The following TACC2 variants were observed in gnomAD, a reference collection of about 807,000 sequenced individuals.
The protein encoded by TACC2 is transforming acidic coiled-coil-containing protein 2.
TACC2 carries 137 observed loss-of-function variants against 227.3 expected under a neutral mutation model. The observed-to-expected ratio is 0.60, with a 90% CI of 0.52 to 0.69. The LOEUF (loss-of-function observed/expected upper bound fraction) is 0.69. TACC2 is among the 30% of genes least tolerant of loss of function. TACC2 has a pLI of 0.00. For synonymous variants in TACC2, 1,523 were observed against 1,487.5 expected (o/e 1.02, Z -0.55); for missense variants, 3,470 against 3,694.4 (o/e 0.94, Z 1.57).
At chr10:122,043,165 A>T (rs1398164096) in intron 2 of TACC2, among the ~76,000 whole-genome samples, 1 of 152,144 alleles carries the variant, frequency 6.6e-6, no homozygotes, top group South Asian at 2.1e-4. Flanking sequence ...TTTAAATCAT[A>T]TTGTTTCTAA....
At chr10:122,094,980 A>G (rs969705133) in intron 5 of TACC2, among the ~76,000 whole-genome samples, 1 of 152,184 alleles carries the variant, frequency 6.6e-6, no homozygotes, top group East Asian at 1.9e-4. Context: ...TTTACACTCT[A>G]GCTGGTGAGA....
intron 6 of TACC2, among the ~76,000 whole-genome samples, chr10:122,135,991 G>A (rs1404171594): frequency 2.6e-5 from 4 of 152,214 alleles, no homozygotes; most frequent in Non-Finnish European, 4.4e-5. Flanking sequence ...CTTTAGAGAA[G>A]CTTCCTCCCG....
At chr10:122,028,793 C>T (rs1958451956) in intron 2 of TACC2, among the ~76,000 whole-genome samples, 1 of 72,092 alleles carries the variant, frequency 1.4e-5, no homozygotes, top group Non-Finnish European at 2.8e-5. Context: ...CTCCCCTCCC[C>T]TCCCCTCCTC....
rs1461405640 is a variant in TACC2, at chr10:122,171,415, A to G, written c.5835-23625A>G. 2.0e-5 allele frequency among the ~76,000 whole-genome samples: 3 copies of G among 152,318 alleles called. No homozygotes were observed. In the East Asian group the frequency reaches 5.8e-4, roughly 29 times the overall value. On this transcript the variant is annotated intron_variant, in intron 7 of 22. Transcript: ENST00000369005. The stretch of plus-strand genomic sequence containing the variant: ...CGGAGCCCTACTGACAGGCAGTCAC[A>G]GTGGCTCTGTGTCCTTATGGGGCCG...
At chr10:122,095,901 T>C (rs1349722042) in intron 5 of TACC2, among the ~76,000 whole-genome samples, 5 of 152,216 alleles carry the variant, frequency 3.3e-5, no homozygotes, top group African/African-American at 1.2e-4. Context: ...AATTGAAATT[T>C]ATAGTGAAAT....
intron 3 of TACC2, among the ~76,000 whole-genome samples, chr10:122,069,280 C>T (rs371087422): frequency 1.1e-4 from 17 of 151,898 alleles, no homozygotes; most frequent in East Asian, 5.8e-4. Flanking sequence ...CTCGCTCTGT[C>T]GCCCAGCCTG....
At chr10:122,107,613 TAA>T (rs1212936626) in intron 5 of TACC2, among the ~76,000 whole-genome samples, 13 of 151,646 alleles carry the variant, frequency 8.6e-5, no homozygotes, top group South Asian at 2.1e-4. Context: ...ATAATAATAA[TAA>T]TTTTTTAAAA....
intron 7 of TACC2, among the ~76,000 whole-genome samples, chr10:122,159,104 G>C (rs1004562619): frequency 2.0e-5 from 3 of 152,154 alleles, no homozygotes; most frequent in African/African-American, 7.2e-5. Flanking sequence ...CAGGGAGCTG[G>C]GGGAGCTGGG....
rs527401862 is a variant in TACC2 at position 122,182,232 on chromosome 10, C to A, written c.5835-12808C>A. The stretch of plus-strand genomic sequence containing the variant: ...GTTGAGCAGCTACTCTGGGCAGGAC[C>A]CTGAGAACTATCAATTTTTGGATGC... On this transcript the variant is annotated intron_variant, in intron 7 of 22. Coordinates refer to ENST00000369005, the MANE Select transcript of TACC2 (RefSeq NM_206862.4). Among the ~76,000 whole-genome samples, 6 of 152,236 alleles carry A rather than the reference C, an allele frequency of 3.9e-5. No individual in the cohort carries two copies. In the East Asian group the frequency reaches 1.2e-3, roughly 29 times the overall value.
intron 7 of TACC2, among the ~76,000 whole-genome samples, chr10:122,176,585 T>A (rs1404290805): frequency 6.6e-6 from 1 of 152,130 alleles, no homozygotes; most frequent in African/African-American, 2.4e-5. Flanking sequence ...AATATAGATT[T>A]TTTTTTCTCT....
rs1018573221 is a variant in TACC2, at chr10:122,248,941, A to T, written c.8554-109A>T. 5.4e-6 allele frequency: 8 copies of T among 1,487,180 alleles called. No homozygotes were observed. In the Admixed American group the frequency reaches 1.1e-4, roughly 21 times the overall value. 92.1% of individuals were successfully genotyped at this position (1,487,180 alleles called of 1,614,324 possible). Reference sequence around the variant, plus strand: ...GGGTCCATGCAGGCTGGGGAGGCAGACTTGGCCGCCTGGGGTTACACCTGC... The same window carrying T: ...GGGTCCATGCAGGCTGGGGAGGCAGTCTTGGCCGCCTGGGGTTACACCTGC... On this transcript the variant is annotated intron_variant, in intron 20 of 22. Coordinates refer to ENST00000369005, the MANE Select transcript of TACC2 (RefSeq NM_206862.4).
In TACC2 at chr10:122,249,671, G is replaced by C; in HGVS notation, c.8781+7G>C. 2.5e-6 allele frequency: 4 copies of C among 1,609,776 alleles called. No individual in the cohort carries two copies. Among genetic ancestry groups the C allele is most frequent in the Non-Finnish European group, 3.4e-6 (4 of 1,177,284 alleles). On this transcript the variant is annotated splice_region_variant and intron_variant, in intron 22 of 22. Transcript: ENST00000369005. Reference sequence around the variant, plus strand: ...AAGGACGCTGGAGCAGAAGGTAATAGGGGAGGGGTGTGGCCTCCAGGTGGG... The same window carrying C: ...AAGGACGCTGGAGCAGAAGGTAATACGGGAGGGGTGTGGCCTCCAGGTGGG...
rs373159368 is a variant in TACC2 at position 122,248,853 on chromosome 10, A to G, written c.8553+50A>G. The G allele has an allele frequency of 1.2e-5, 20 of 1,607,348 alleles. No homozygotes were observed. In the South Asian group the frequency reaches 1.7e-4, roughly 13 times the overall value. On this transcript the variant is annotated intron_variant, in intron 20 of 22. Transcript: ENST00000369005. Reference sequence around the variant, plus strand: ...GAGGAGGAGGATCTGATTGGGAGAGATTGTGGGAGCACTGGGAGGGGGTAG... The same window carrying G: ...GAGGAGGAGGATCTGATTGGGAGAGGTTGTGGGAGCACTGGGAGGGGGTAG...
chr10:122,249,671 G>T lies in TACC2; in HGVS notation c.8781+7G>T. ...AAGGACGCTGGAGCAGAAGGTAATA[G>T]GGGAGGGGTGTGGCCTCCAGGTGGG... On this transcript the variant is annotated splice_region_variant and intron_variant, in intron 22 of 22. Transcript: ENST00000369005. 1 of 1,609,776 alleles carries T rather than the reference G, an allele frequency of 6.2e-7. No homozygotes were observed. Among genetic ancestry groups the T allele is most frequent in the South Asian group, 1.1e-5 (1 of 90,744 alleles).
At position 122,084,082 on chromosome 10, in the gene TACC2, C is replaced by G; in HGVS notation, c.1582C>G (p.Pro528Ala). 1.9e-6 allele frequency: 3 copies of G among 1,614,034 alleles called. No individual in the cohort carries two copies. Among genetic ancestry groups the G allele is most frequent in the Non-Finnish European group, 2.5e-6 (3 of 1,180,016 alleles). Reference sequence around the variant, plus strand: ...CAAGGAGCAAAGCCATGAGGTCCAACCAGGAGCACCACCCCCTCCTCTTCC... The same window carrying G: ...CAAGGAGCAAAGCCATGAGGTCCAAGCAGGAGCACCACCCCCTCCTCTTCC... ...LPKEQSHEVQ[P>A]GAPPPPLPKA... Residue 528 changes from proline (P) to alanine (A), a missense_variant, in exon 4 of 23, where the codon CCA (proline) becomes GCA (alanine). Transcript: ENST00000369005.
chr10:122,126,222 G>A (rs1281730034), intron 5 of TACC2, among the ~76,000 whole-genome samples: 1 of 152,016 alleles, frequency 6.6e-6, no homozygotes, highest in Non-Finnish European at 1.5e-5. Context: ...CTGTAAGGGG[G>A]GGCTTTCCCT....
chr10:122,171,023 G>GTAGATTAGTGGCCGTGAGCAA (rs138154704), intron 7 of TACC2, among the ~76,000 whole-genome samples: 1 of 150,558 alleles, frequency 6.6e-6, no homozygotes, highest in African/African-American at 2.5e-5. Flanking sequence ...GCTGTGAGCA[G>GTAGATTAGTGGCCGTGAGCAA]TAGATTAGGG....
chr10:122,042,345 C>T (rs916813027), intron 2 of TACC2, among the ~76,000 whole-genome samples: 1 of 152,086 alleles, frequency 6.6e-6, no homozygotes, highest in Non-Finnish European at 1.5e-5. Context: ...CGGGGTCAAG[C>T]GATTCTCCTG....
chr10:122,028,743 C>T (rs1178901330), intron 2 of TACC2, among the ~76,000 whole-genome samples: 1 of 126,324 alleles, frequency 7.9e-6, no homozygotes, highest in African/African-American at 2.8e-5. Flanking sequence ...TCCCCCTCCC[C>T]TCTCCTCCCT....
Sources: gnomAD v4.1 joint callset for allele counts (sites outside exome capture counted in the v4.1 genomes callset) on GRCh38, gnomAD v4.1.1 for gene constraint, MANE v1.5 for transcripts, NCBI Gene and HGNC (gene_info 2026-07-23, HGNC 2026-07-21) for gene names.